RBFOX3: variants seen among roughly 807,000 people sequenced by gnomAD.
RBFOX3 encodes RNA binding protein fox-1 homolog 3.
Under a neutral mutation model 48.7 loss-of-function variants are expected in RBFOX3, and 17 were observed. That is an observed-to-expected ratio of 0.35 (90% confidence interval 0.24 to 0.52). The LOEUF (loss-of-function observed/expected upper bound fraction) is 0.52. Ranked by LOEUF, RBFOX3 falls within the 20% of genes least tolerant of loss-of-function variation. The pLI is 0.94. For missense variants in RBFOX3, 382 were observed against 497.5 expected (o/e 0.77, Z 2.21); for synonymous variants, 212 against 209.5 (o/e 1.01, Z -0.10).
At chr17:79,415,029 A>G (rs2065090202) in intron 2 of RBFOX3, among the ~76,000 whole-genome samples, 1 of 152,138 alleles carries the variant, frequency 6.6e-6, no homozygotes, top group Admixed American at 6.5e-5. Context: ...GCTCATCGCC[A>G]CGGTCCACAT....
chr17:79,505,749 C>T (rs2083018815), intron 1 of RBFOX3, among the ~76,000 whole-genome samples: 2 of 152,172 alleles, frequency 1.3e-5, no homozygotes, highest in South Asian at 4.2e-4. Context: ...CTGATGGTCC[C>T]CACACCGCAC....
chr17:79,400,737 G>A (rs2062692744), intron 2 of RBFOX3, among the ~76,000 whole-genome samples: 1 of 152,252 alleles, frequency 6.6e-6, no homozygotes, highest in Non-Finnish European at 1.5e-5. Context: ...CCCGTTGACT[G>A]AGAGGTGGGA....
chr17:79,593,314 C>CT (rs386829706), intron 1 of RBFOX3, among the ~76,000 whole-genome samples: 38,294 of 152,066 alleles, frequency 0.25, 5,092 homozygotes, highest in African/African-American at 0.32. Flanking sequence ...GTGTGCACGC[C>CT]TGTACATGCA....
the RBFOX3 span, among the ~76,000 whole-genome samples, chr17:79,657,019 C>T: frequency 1.1e-4 from 16 of 152,134 alleles, no homozygotes; most frequent in Admixed American, 1.0e-3. Flanking sequence ...ACTCCCTCTG[C>T]CCTGTTCCAA....
intron 2 of RBFOX3, among the ~76,000 whole-genome samples, chr17:79,323,755 G>T (rs1194695922): frequency 6.6e-6 from 1 of 152,266 alleles, no homozygotes; most frequent in Admixed American, 6.5e-5. Context: ...GGCGAGAGAG[G>T]CATGTTCTGC....
chr17:79,163,440 G>T (rs2047371148), intron 4 of RBFOX3, among the ~76,000 whole-genome samples: 2 of 152,234 alleles, frequency 1.3e-5, no homozygotes, highest in African/African-American at 4.8e-5. Flanking sequence ...GGAGAGGCCA[G>T]GGCATCCGAA....
intron 4 of RBFOX3, among the ~76,000 whole-genome samples, chr17:79,226,952 A>G (rs1264972232): frequency 6.6e-6 from 1 of 152,170 alleles, no homozygotes; most frequent in Admixed American, 6.5e-5. Flanking sequence ...GCCTGGGGGA[A>G]CCCACTAAGC....
chr17:79,573,179 A>C (rs1208881087), intron 1 of RBFOX3, among the ~76,000 whole-genome samples: 1 of 151,952 alleles, frequency 6.6e-6, no homozygotes, highest in African/African-American at 2.4e-5. Flanking sequence ...AAGCCCAGCC[A>C]CTCTAGAAGT....
At chr17:79,105,708 G>A (rs1460619731) in intron 6 of RBFOX3, among the ~76,000 whole-genome samples, 2 of 152,210 alleles carry the variant, frequency 1.3e-5, no homozygotes, top group African/African-American at 4.8e-5. Flanking sequence ...GCTGGGTCAG[G>A]GTGGCATGAG....
At chr17:79,607,439 G>A (rs1390676650) in intron 1 of RBFOX3, among the ~76,000 whole-genome samples, 1 of 152,118 alleles carries the variant, frequency 6.6e-6, no homozygotes, top group South Asian at 2.1e-4. Flanking sequence ...TGCAAGGGCT[G>A]AAAAATAATA....
intron 1 of RBFOX3, among the ~76,000 whole-genome samples, chr17:79,520,838 C>A (rs2149987457): frequency 6.6e-6 from 1 of 152,320 alleles, no homozygotes; most frequent in East Asian, 1.9e-4. Flanking sequence ...AGCTTCCAGA[C>A]TGGCTTCTAT....
the RBFOX3 span, among the ~76,000 whole-genome samples, chr17:79,634,389 TCC>T: frequency 1.0e-3 from 153 of 152,242 alleles, no homozygotes; most frequent in African/African-American, 3.6e-3. Context: ...CCAAAGGCCT[TCC>T]GCCCCTGCTG....
rs73411896 is a variant in RBFOX3 at position 79,306,348 on chromosome 17, G to A, written c.-74+1376C>T. Reference sequence around the variant, plus strand: ...CGCGCCAGGCCAGGGCGGCTCACACGTCCATGCAGAGCGCCAGCCATGGCC... The same window carrying A: ...CGCGCCAGGCCAGGGCGGCTCACACATCCATGCAGAGCGCCAGCCATGGCC... On this transcript the variant is annotated intron_variant, in intron 3 of 14. Coordinates refer to ENST00000693108, the MANE Select transcript of RBFOX3 (RefSeq NM_001350451.2). 2.0e-3 allele frequency among the ~76,000 whole-genome samples: 299 copies of A among 152,368 alleles called. 3 individuals are homozygous for A. The highest frequency in any genetic ancestry group is 6.8e-3 in the African/African-American group (284 of 41,596).
intron 3 of RBFOX3, among the ~76,000 whole-genome samples, chr17:79,271,787 A>G (rs1051484303): frequency 6.6e-6 from 1 of 152,228 alleles, no homozygotes; most frequent in Non-Finnish European, 1.5e-5. Flanking sequence ...AGAAAGTATC[A>G]GATCCCAGAG....
intron 9 of RBFOX3, 39 bp from the exon 10 acceptor site, chr17:79,097,784 C>G: frequency 1.3e-6 from 2 of 1,546,408 alleles, no homozygotes; most frequent in Non-Finnish European, 1.8e-6. Context: ...CTGCCTTCCC[C>G]GACCCTTTTC....
chr17:79,553,994 A>G (rs1286824406), intron 1 of RBFOX3, among the ~76,000 whole-genome samples: 1 of 152,182 alleles, frequency 6.6e-6, no homozygotes, highest in Non-Finnish European at 1.5e-5. Context: ...TCGGCCTCCC[A>G]AAATGCTGGG....
At chr17:79,126,615 GC>G (rs1367991991) in intron 4 of RBFOX3, among the ~76,000 whole-genome samples, 1 of 152,152 alleles carries the variant, frequency 6.6e-6, no homozygotes, top group East Asian at 1.9e-4. Context: ...TGCAAACGAG[GC>G]CCCATCTCTC....
chr17:79,125,797 G>C (rs921192446), intron 4 of RBFOX3, among the ~76,000 whole-genome samples: 15 of 152,198 alleles, frequency 9.9e-5, no homozygotes, highest in Non-Finnish European at 2.9e-5. Context: ...GCTGGGCACC[G>C]GGCCATTTCT....
the RBFOX3 span, among the ~76,000 whole-genome samples, chr17:79,624,814 C>G: frequency 7.7e-6 from 1 of 129,118 alleles, no homozygotes; most frequent in South Asian, 3.2e-4. Context: ...GGCACCCCCG[C>G]CCCCCACCCC....
Sources: allele counts gnomAD v4.1 joint callset (sites outside exome capture counted in the v4.1 genomes callset), GRCh38; gene constraint gnomAD v4.1.1; transcripts MANE v1.5; gene names NCBI Gene and HGNC (gene_info 2026-07-23, HGNC 2026-07-21).